CTNS: variants seen among roughly 807,000 people sequenced by gnomAD.
The protein encoded by CTNS is cystinosin, lysosomal cystine transporter.
Under a neutral mutation model 43.7 loss-of-function variants are expected in CTNS, and 27 were observed. The observed-to-expected ratio is 0.62, with a 90% CI of 0.46 to 0.85. The LOEUF is 0.85. Ranked by LOEUF, CTNS falls within the 40% of genes least tolerant of loss-of-function variation. CTNS has a pLI of 0.00. For missense variants in CTNS, 457 were observed against 475.4 expected (o/e 0.96, Z 0.36); for synonymous variants, 187 against 190.6 (o/e 0.98, Z 0.16).
rs1168776964 is a variant in CTNS, at chr17:3,658,255, A to G, written c.852+80A>G. 5 of 1,558,782 alleles carry G rather than the reference A, an allele frequency of 3.2e-6. No individual in the cohort carries two copies. The African/African-American group carries it at 5.4e-5, about 17-fold the overall frequency. ...GGCCCAGGCCCTGCTCCGGTGGGGCAGCTCCTGCCGGCGTGAGGAAACAGG... is the reference window on the plus strand; with the variant it reads ...GGCCCAGGCCCTGCTCCGGTGGGGCGGCTCCTGCCGGCGTGAGGAAACAGG... On this transcript the variant is annotated intron_variant, in intron 10 of 11. Coordinates refer to ENST00000046640, the MANE Select transcript of CTNS (RefSeq NM_004937.3).
intron 7 of CTNS, chr17:3,655,555 C>T: frequency 1.4e-6 from 1 of 691,152 alleles, no homozygotes. Flanking sequence ...CCCAGCTCAG[C>T]CCCTCCCTGG....
chr17:3,651,732 G>A (rs1215834964), intron 5 of CTNS, among the ~76,000 whole-genome samples: 2 of 151,968 alleles, frequency 1.3e-5, no homozygotes, highest in Non-Finnish European at 2.9e-5. Flanking sequence ...CAGCACTTTG[G>A]GAGGCCGAGG....
rs566208428 is a variant in CTNS, at chr17:3,644,853, G to A, written c.62-2591G>A. 5.3e-5 allele frequency among the ~76,000 whole-genome samples: 8 copies of A among 152,220 alleles called. No individual in the cohort carries two copies. In the South Asian group the frequency reaches 8.3e-4, roughly 16 times the overall value. ...TGACCTCAGGTGATCCACCTACCTCGGCCTCCCAAAGTGTTAGGATTACAG... is the reference window on the plus strand; with the variant it reads ...TGACCTCAGGTGATCCACCTACCTCAGCCTCCCAAAGTGTTAGGATTACAG... On this transcript the variant is annotated intron_variant, in intron 3 of 11. Coordinates refer to ENST00000046640, the MANE Select transcript of CTNS (RefSeq NM_004937.3).
chr17:3,659,523 CAT>C lies in CTNS; in HGVS notation c.853-333_853-332del, dbSNP rs1250864222. Among the ~76,000 whole-genome samples, 34 of 152,352 alleles carry C rather than the reference CAT, an allele frequency of 2.2e-4. 1 individual carries two copies. Among genetic ancestry groups the C allele is most frequent in the African/African-American group, 7.9e-4 (33 of 41,586 alleles). ...CTTGCCTGGAGGTGAGAAGAAGAATCATAGCTACAGGGAAACTAGCACAGGGC... is the reference window on the plus strand; with the variant it reads ...CTTGCCTGGAGGTGAGAAGAAGAATCAGCTACAGGGAAACTAGCACAGGGC... On this transcript the variant is annotated intron_variant, in intron 10 of 11. Coordinates refer to ENST00000046640, the MANE Select transcript of CTNS (RefSeq NM_004937.3).
Position 3,656,712 on chromosome 17 carries a change from C to A in CTNS, c.598C>A (p.Pro200Thr). The A allele has an allele frequency of 6.2e-7, 1 of 1,613,344 alleles. No homozygotes were observed. The highest frequency in any genetic ancestry group is 8.5e-7 in the Non-Finnish European group (1 of 1,179,910). Residue 200 changes from proline (P) to threonine (T), a missense_variant, in exon 9 of 12, where the codon CCC becomes ACC. By Grantham distance (38) the Pro-to-Thr change is conservative. Transcript: ENST00000046640. The stretch of plus-strand genomic sequence containing the variant: ...CCTCAAATACCCCAACGGAGTGAAC[C>A]CCGTGAACAGCAACGACGTCTTCTT... ...FLLKYPNGVNPVNSNDVFFSL... is the reference protein window; with the variant it reads ...FLLKYPNGVNTVNSNDVFFSL...
intron 5 of CTNS, among the ~76,000 whole-genome samples, chr17:3,649,708 G>A (rs1159917602): frequency 6.6e-6 from 1 of 152,140 alleles, no homozygotes; most frequent in East Asian, 1.9e-4. Context: ...TGATCTAATA[G>A]CGATCATTAC....
chr17:3,648,756 G>A, intron 4 of CTNS, 91 bp from the exon 5 acceptor site: 2 of 1,089,880 alleles, frequency 1.8e-6, no homozygotes, highest in Non-Finnish European at 2.8e-6. Flanking sequence ...CTAACTGCTT[G>A]AGAGTTGAAG....
Position 3,657,997 on chromosome 17 carries a change from G to GC in CTNS, c.682-3dup, listed in dbSNP as rs2150924916. 1 of 1,607,288 alleles carries GC rather than the reference G, an allele frequency of 6.2e-7. No individual in the cohort carries two copies. Among genetic ancestry groups the GC allele is most frequent in the Non-Finnish European group, 8.5e-7 (1 of 1,179,824 alleles). ...GGGTCCACATCTCTGCCCTCCTCTCGCCCCCAGCGCGGTGGCCAGCGCGTG... is the reference window on the plus strand; with the variant it reads ...GGGTCCACATCTCTGCCCTCCTCTCGCCCCCCAGCGCGGTGGCCAGCGCGTG... On this transcript the variant is annotated splice_polypyrimidine_tract_variant and splice_region_variant and intron_variant, in intron 9 of 11. Coordinates refer to ENST00000046640, the MANE Select transcript of CTNS (RefSeq NM_004937.3).
Position 3,662,896 on chromosome 17 carries a change from G to A in CTNS, c.*2527G>A, listed in dbSNP as rs886052885. 1.3e-5 allele frequency: 2 copies of A among 152,176 alleles called. No homozygotes were observed. The highest frequency in any genetic ancestry group is 1.3e-4 in the Admixed American group (2 of 15,284). 9.4% of individuals were successfully genotyped at this position (152,176 alleles called of 1,614,324 possible). A position where few individuals can be genotyped will look rare whatever the true frequency, so the allele number is the denominator to read the frequency against. ...CCCATGCCTCAGCAAAGCCCCCTGT[G>A]AATTCCAGCATTTTTATTGAGCGCA... On this transcript the variant is annotated 3_prime_UTR_variant, in exon 12 of 12. Coordinates refer to ENST00000046640, the MANE Select transcript of CTNS (RefSeq NM_004937.3).
chr17:3,662,148 T>TAAAG lies in CTNS; in HGVS notation c.*1781_*1784dup, dbSNP rs2142988268. ...CAACATTGCAAAACCCCATCTCTACTAAAGATACAAAAATTAGCTGGGCAT... is the reference window on the plus strand; with the variant it reads ...CAACATTGCAAAACCCCATCTCTACTAAAGAAAGATACAAAAATTAGCTGGGCAT... On this transcript the variant is annotated 3_prime_UTR_variant, in exon 12 of 12. Coordinates refer to ENST00000046640, the MANE Select transcript of CTNS (RefSeq NM_004937.3). Among the ~76,000 whole-genome samples the TAAAG allele has an allele frequency of 6.6e-6, 1 of 152,184 alleles. No individual in the cohort carries two copies. The highest frequency in any genetic ancestry group is 2.4e-5 in the African/African-American group (1 of 41,528).
intron 3 of CTNS, among the ~76,000 whole-genome samples, chr17:3,641,290 C>A (rs1292941023): frequency 6.8e-6 from 1 of 147,072 alleles, no homozygotes; most frequent in East Asian, 2.0e-4. Flanking sequence ...ATGTTTAGCA[C>A]TTCAAAGGTG....
At chr17:3,638,119 A>G (rs2075583573) in intron 2 of CTNS, among the ~76,000 whole-genome samples, 2 of 152,242 alleles carry the variant, frequency 1.3e-5, no homozygotes. Context: ...GACAATAGTT[A>G]GAACTTACAT....
Position 3,656,564 on chromosome 17 carries a change from T to G in CTNS, c.539T>G (p.Leu180Arg). ...GCCTACAGTGTATTCAACATCGGCC[T>G]CCTCTGGGTGCCCTACATCAAGGTA... ...FVAYSVFNIG[L>R]LWVPYIKEQF... The change falls in exon 8 of 12, where the codon CTC (leucine) becomes CGC (arginine). Residue 180 changes from leucine (L) to arginine (R), a missense_variant. By Grantham distance (102) the Leu-to-Arg change is moderately radical (BLOSUM62 -2). Coordinates refer to ENST00000046640, the MANE Select transcript of CTNS (RefSeq NM_004937.3). 6.2e-7 allele frequency: 1 copy of G among 1,610,728 alleles called. No homozygotes were observed. The highest frequency in any genetic ancestry group is 1.1e-5 in the South Asian group (1 of 90,838).
chr17:3,657,568 C>T (rs1421987914), intron 9 of CTNS: 15 of 263,206 alleles, frequency 5.7e-5, no homozygotes, highest in Admixed American at 1.0e-4. Context: ...AAAGGCAAGG[C>T]GAGGGGACAG....
At chr17:3,660,015 G>A (rs1385315384) in intron 11 of CTNS, 40 bp downstream of exon 11, 1 of 1,552,038 alleles carries the variant, frequency 6.4e-7, no homozygotes. Context: ...CTGCGGCTGG[G>A]GCATCGGGCG....
Position 3,661,259 on chromosome 17 carries a change from C to G in CTNS, c.*890C>G, listed in dbSNP as rs1300164946. The G allele has an allele frequency of 5.2e-6, 1 of 193,086 alleles. No individual in the cohort carries two copies. The highest frequency in any genetic ancestry group is 1.1e-5 in the Non-Finnish European group (1 of 91,580). The allele number at this position is 193,086 out of a possible 1,614,324, so 12.0% of individuals were successfully genotyped here. Reference sequence around the variant, plus strand: ...GAGCGAGGGCAGGCCCCTTCCCTCTCTTTCCCCAGACACCTACTTGAGACT... The same window carrying G: ...GAGCGAGGGCAGGCCCCTTCCCTCTGTTTCCCCAGACACCTACTTGAGACT... On this transcript the variant is annotated 3_prime_UTR_variant, in exon 12 of 12. Coordinates refer to ENST00000046640, the MANE Select transcript of CTNS (RefSeq NM_004937.3).
intron 3 of CTNS, among the ~76,000 whole-genome samples, chr17:3,645,796 G>A (rs1159975656): frequency 6.6e-6 from 1 of 150,384 alleles, no homozygotes; most frequent in Admixed American, 6.7e-5. Flanking sequence ...GGAGGCAGAG[G>A]TTGCAGTGAG....
intron 10 of CTNS, 131 bp from the exon 11 acceptor site, chr17:3,659,727 G>C: frequency 1.4e-6 from 1 of 735,074 alleles, no homozygotes; most frequent in Non-Finnish European, 2.5e-6. Flanking sequence ...AAAGGTCACC[G>C]TGTCCTTGGA....
intron 10 of CTNS, 150 bp downstream of exon 10, chr17:3,658,325 G>T: frequency 9.4e-7 from 1 of 1,067,728 alleles, no homozygotes; most frequent in African/African-American, 1.6e-5. Context: ...GAGCGGGGCG[G>T]TGGGGAGGCC....
Sources: gnomAD v4.1 joint callset for allele counts (sites outside exome capture counted in the v4.1 genomes callset) on GRCh38, gnomAD v4.1.1 for gene constraint, MANE v1.5 for transcripts, NCBI Gene and HGNC (gene_info 2026-07-23, HGNC 2026-07-21) for gene names.